The following SH3D19 variants were observed in gnomAD, a reference collection of about 807,000 sequenced individuals.
SH3D19 encodes SH3 domain-containing protein 19.
A neutral mutation model predicts 112.1 loss-of-function variants in SH3D19; 58 were observed. That is an observed-to-expected ratio of 0.52 (90% confidence interval 0.42 to 0.64). The LOEUF (loss-of-function observed/expected upper bound fraction) is 0.64, where lower values mean the gene tolerates loss of function less well. SH3D19 is among the 30% of genes least tolerant of loss of function. The probability of loss-of-function intolerance (pLI) is 0.00; values close to 1 mark genes in which losing one functional copy is unlikely to be tolerated. For missense variants in SH3D19, 1,090 were observed against 1,263.4 expected (o/e 0.86, Z 2.08); for synonymous variants, 391 against 448.5 (o/e 0.87, Z 1.62).
At chr4:151,236,512 A>T in intron 1 of SH3D19, among the ~76,000 whole-genome samples, 1 of 152,222 alleles carries the variant, frequency 6.6e-6, no homozygotes, top group East Asian at 1.9e-4. Flanking sequence ...AAATGCACCA[A>T]TCAGCACTCT....
At chr4:151,266,087 T>C (rs149437493) in intron 1 of SH3D19, 49 of 152,274 alleles carry the variant, frequency 3.2e-4, no homozygotes, top group African/African-American at 1.0e-3. Context: ...AATACACACC[T>C]CATGTTTTAG....
chr4:151,130,611 A>G (rs935353612), intron 17 of SH3D19, among the ~76,000 whole-genome samples: 7 of 152,168 alleles, frequency 4.6e-5, no homozygotes, highest in African/African-American at 1.7e-4. Flanking sequence ...AATGAAACAA[A>G]TGTTCCTAAA....
At chr4:151,224,091 C>T (rs920187636) in intron 2 of SH3D19, among the ~76,000 whole-genome samples, 11 of 152,234 alleles carry the variant, frequency 7.2e-5, no homozygotes, top group Non-Finnish European at 1.6e-4. Flanking sequence ...AGGTGGATCA[C>T]GAGGTCAAGA....
At chr4:151,300,130 G>A (rs886381823) in intron 1 of SH3D19, among the ~76,000 whole-genome samples, 3 of 152,050 alleles carry the variant, frequency 2.0e-5, no homozygotes, top group Admixed American at 2.0e-4. Flanking sequence ...GAACCCAGGA[G>A]GCGGAGGTTG....
intron 1 of SH3D19, among the ~76,000 whole-genome samples, chr4:151,292,170 G>C (rs1025958747): frequency 9.9e-5 from 15 of 152,240 alleles, no homozygotes; most frequent in African/African-American, 3.4e-4. Context: ...ATGGTGGCAT[G>C]TGCCTGTGGT....
intron 9 of SH3D19, among the ~76,000 whole-genome samples, chr4:151,152,996 C>T (rs566303025): frequency 4.6e-5 from 7 of 150,850 alleles, no homozygotes; most frequent in South Asian, 2.1e-4. Flanking sequence ...CCACCACACC[C>T]GGCTAATTTT....
chr4:151,250,915 G>A (rs139587200), intron 1 of SH3D19, among the ~76,000 whole-genome samples: 1 of 152,206 alleles, frequency 6.6e-6, no homozygotes. Flanking sequence ...AACAAAGACT[G>A]TTGGCCGATG....
intron 11 of SH3D19, among the ~76,000 whole-genome samples, chr4:151,146,500 A>G (rs1198296710): frequency 6.6e-6 from 1 of 151,830 alleles, no homozygotes; most frequent in African/African-American, 2.4e-5. Context: ...ACCTGATCAA[A>G]GTAGAGAACA....
chr4:151,257,870 C>T (rs777603250), intron 1 of SH3D19, among the ~76,000 whole-genome samples: 7 of 152,082 alleles, frequency 4.6e-5, no homozygotes, highest in Non-Finnish European at 1.0e-4. Context: ...GATCATGCCA[C>T]TGTACTTCTA....
At chr4:151,244,623 A>T (rs980840493) in intron 1 of SH3D19, among the ~76,000 whole-genome samples, 24 of 152,248 alleles carry the variant, frequency 1.6e-4, no homozygotes, top group African/African-American at 5.3e-4. Flanking sequence ...CACAGTGTGT[A>T]CAGTCAAGTG....
intron 1 of SH3D19, among the ~76,000 whole-genome samples, chr4:151,313,249 G>A (rs1247838411): frequency 2.6e-5 from 4 of 152,012 alleles, no homozygotes; most frequent in Admixed American, 2.0e-4. Flanking sequence ...ACCAAACCAC[G>A]TTATAAAGTT....
At chr4:151,164,033 G>C (rs2149804739) in intron 8 of SH3D19, among the ~76,000 whole-genome samples, 1 of 152,094 alleles carries the variant, frequency 6.6e-6, no homozygotes, top group East Asian at 1.9e-4. Flanking sequence ...TTGCTACTTG[G>C]CTGAGAGCCA....
intron 1 of SH3D19, among the ~76,000 whole-genome samples, chr4:151,310,007 A>G (rs947774925): frequency 1.4e-5 from 2 of 144,316 alleles, no homozygotes; most frequent in Non-Finnish European, 3.1e-5. Flanking sequence ...AAGTCAGCTG[A>G]GCATGGTGGC....
chr4:151,207,792 C>T (rs1206070656), intron 2 of SH3D19, among the ~76,000 whole-genome samples: 3 of 152,226 alleles, frequency 2.0e-5, no homozygotes, highest in Non-Finnish European at 2.9e-5. Context: ...CATGACCACA[C>T]ACCCTGGCTT....
chr4:151,133,235 C>A lies in SH3D19; in HGVS notation c.2488G>T (p.Gly830Cys). The change falls in exon 16 of 20, where the codon GGC (glycine) becomes TGC (cysteine). Residue 830 changes from glycine to cysteine, a missense_variant and splice_region_variant. Transcript: ENST00000604030. ...TCAAACCGAGCAACACATCTTGAGC[C>A]TCTGAATGAAGAACACATTTTGTGG... Reference protein sequence around the residue: ...RECVSSHCVKGSRCVARFEYI... With the variant: ...RECVSSHCVKCSRCVARFEYI... 1 of 1,613,926 alleles carries A rather than the reference C, an allele frequency of 6.2e-7. No homozygotes were observed. The highest frequency in any genetic ancestry group is 1.1e-5 in the South Asian group (1 of 91,044).
intron 15 of SH3D19, among the ~76,000 whole-genome samples, chr4:151,133,460 C>T (rs148145249): frequency 1.3e-3 from 194 of 152,236 alleles, no homozygotes; most frequent in African/African-American, 4.3e-3. Context: ...GCGGAGTGCA[C>T]GCAGCTGGGT....
intron 7 of SH3D19, among the ~76,000 whole-genome samples, chr4:151,172,307 A>G (rs1314624696): frequency 6.6e-6 from 1 of 152,186 alleles, no homozygotes; most frequent in Non-Finnish European, 1.5e-5. Flanking sequence ...GTGATCCTGA[A>G]GGCCTTTGGA....
At chr4:151,279,906 G>A (rs369657708) in intron 1 of SH3D19, 1 of 1,613,740 alleles carries the variant, frequency 6.2e-7, no homozygotes, top group Non-Finnish European at 8.5e-7. Flanking sequence ...TATCTGTGGA[G>A]GTTCCCTCGT....
At chr4:151,286,184 G>GAAAA (rs56850648) in intron 1 of SH3D19, among the ~76,000 whole-genome samples, 2,176 of 86,434 alleles carry the variant, frequency 0.025, no homozygotes, top group Non-Finnish European at 0.031. Flanking sequence ...CTGTCTTAAA[G>GAAAA]AAAAAAAAAA....
Sources: gnomAD v4.1 joint callset for allele counts (sites outside exome capture counted in the v4.1 genomes callset) on GRCh38, gnomAD v4.1.1 for gene constraint, MANE v1.5 for transcripts, NCBI Gene and HGNC (gene_info 2026-07-23, HGNC 2026-07-21) for gene names.